Variants in NASP observed in about 807,000 individuals in gnomAD.
NASP encodes the protein nuclear autoantigenic sperm protein, also known as NASP histone chaperone.
Under a neutral mutation model 89.5 loss-of-function variants are expected in NASP, and 24 were observed. The ratio of observed to expected loss-of-function variants is 0.27; its 90% CI spans 0.19 to 0.38. The LOEUF (loss-of-function observed/expected upper bound fraction) is 0.38, where lower values mean the gene tolerates loss of function less well. Ranked by LOEUF, NASP falls within the 10% of genes least tolerant of loss-of-function variation. NASP has a pLI of 1.00. For synonymous variants in NASP, 306 were observed against 324.7 expected (o/e 0.94, Z 0.62); for missense variants, 848 against 921.4 (o/e 0.92, Z 1.03).
Position 45,584,795 on chromosome 1 carries a change from C to T in NASP, c.59+590C>T, listed in dbSNP as rs371542921. On this transcript the variant is annotated intron_variant, in intron 1 of 14. Coordinates refer to ENST00000350030, the MANE Select transcript of NASP (RefSeq NM_002482.4). ...GCGGGAAAACTCCATTGTTTGGGGC[C>T]GCTGCGGCTCCAGCAGGAGCTTTGG... Among the ~76,000 whole-genome samples, 726 of 152,286 alleles carry T rather than the reference C, an allele frequency of 4.8e-3. 8 individuals are homozygous for T. Among genetic ancestry groups the T allele is most frequent in the African/African-American group, 0.016 (668 of 41,562 alleles).
chr1:45,601,809 G>T (rs1340553115), intron 2 of NASP, among the ~76,000 whole-genome samples: 1 of 126,760 alleles, frequency 7.9e-6, no homozygotes, highest in African/African-American at 2.9e-5. Context: ...AGGCTGGAGT[G>T]CAGTGGCGCA....
In NASP at chr1:45,616,411, T is replaced by C; in HGVS notation, c.2079+18T>C. 1 of 1,613,178 alleles carries C rather than the reference T, an allele frequency of 6.2e-7. No homozygotes were observed. Among genetic ancestry groups the C allele is most frequent in the African/African-American group, 1.3e-5 (1 of 75,014 alleles). On this transcript the variant is annotated intron_variant, in intron 12 of 14. Transcript: ENST00000350030. ...TCTCCATGGTGCGTATTCAGGTGGT[T>C]TTTTGGTCACTTACATTAAGTCTCA...
intron 1 of NASP, among the ~76,000 whole-genome samples, chr1:45,589,297 T>G (rs1307080929): frequency 6.6e-6 from 1 of 152,082 alleles, no homozygotes; most frequent in Non-Finnish European, 1.5e-5. Flanking sequence ...CCATCTCATT[T>G]TATTTTTGGT....
chr1:45,609,532 A>T (rs1643966807), intron 6 of NASP: 1 of 152,220 alleles, frequency 6.6e-6, no homozygotes. Flanking sequence ...ACACAAAAAA[A>T]CAAAACTCCC....
chr1:45,586,293 GTGTGTGT>G (rs1644546432), intron 1 of NASP, among the ~76,000 whole-genome samples: 1 of 97,444 alleles, frequency 1.0e-5, no homozygotes, highest in Non-Finnish European at 2.1e-5. Context: ...TGGTGTGTGT[GTGTGTGT>G]GTGTGTGTGG....
chr1:45,591,886 T>C (rs1241291943), intron 2 of NASP, among the ~76,000 whole-genome samples: 2 of 152,194 alleles, frequency 1.3e-5, no homozygotes, highest in African/African-American at 4.8e-5. Context: ...AGTGATGTTA[T>C]CATAGCTCAC....
At chr1:45,584,280 G>A in intron 1 of NASP, 75 bp downstream of exon 1, 2 of 1,392,902 alleles carry the variant, frequency 1.4e-6, no homozygotes, top group Non-Finnish European at 2.0e-6. Flanking sequence ...CTCCGGAGAA[G>A]GGGCAGACCG....
At chr1:45,600,554 G>A in intron 2 of NASP, 1 of 748,324 alleles carries the variant, frequency 1.3e-6, no homozygotes, top group South Asian at 4.3e-5. Flanking sequence ...CATTCTTTTT[G>A]TTAGTGAATG....
At chr1:45,587,981 G>C (rs1644582041) in intron 1 of NASP, among the ~76,000 whole-genome samples, 1 of 151,338 alleles carries the variant, frequency 6.6e-6, no homozygotes, top group Non-Finnish European at 1.5e-5. Flanking sequence ...TGGCTCACGT[G>C]GTAATCCCAA....
chr1:45,587,671 T>TAG (rs1553169256), intron 1 of NASP, among the ~76,000 whole-genome samples: 9 of 68,892 alleles, frequency 1.3e-4, no homozygotes, highest in Non-Finnish European at 1.1e-4. Context: ...CATATATATA[T>TAG]ATATATATAT....
chr1:45,603,851 C>A (rs1050281054), intron 3 of NASP, among the ~76,000 whole-genome samples: 6 of 152,180 alleles, frequency 3.9e-5, no homozygotes, highest in African/African-American at 1.4e-4. Context: ...TCAGGTGATT[C>A]ACCTACCTCG....
chr1:45,584,327 C>G (rs971495431), intron 1 of NASP, 122 bp downstream of exon 1: 17 of 808,674 alleles, frequency 2.1e-5, no homozygotes, highest in Non-Finnish European at 3.0e-5. Context: ...GAGCAGCTGT[C>G]GCTGTTCGGG....
rs1036511604 is a variant in NASP at position 45,590,549 on chromosome 1, C to CAA, written c.60-657_60-656dup. Among the ~76,000 whole-genome samples the CAA allele has an allele frequency of 6.3e-4, 37 of 58,936 alleles. 1 individual carries two copies. In the South Asian group the frequency reaches 9.1e-3, roughly 14 times the overall value. 38.7% of individuals were successfully genotyped at this position (58,936 alleles called of 152,430 possible). On this transcript the variant is annotated intron_variant, in intron 1 of 14. Coordinates refer to ENST00000350030, the MANE Select transcript of NASP (RefSeq NM_002482.4). ...TGGGCGACAGAGCAAGACTCTGTCT[C>CAA]AAAAAAAAAAAAAAAAAAGAAAAGA...
chr1:45,610,910 A>T (rs1344686013), intron 6 of NASP: 1 of 152,142 alleles, frequency 6.6e-6, no homozygotes, highest in Non-Finnish European at 1.5e-5. Flanking sequence ...TAGAGATGGG[A>T]TTTCACCATG....
chr1:45,612,818 A>C (rs776425831), intron 6 of NASP: 5 of 173,590 alleles, frequency 2.9e-5, no homozygotes, highest in Non-Finnish European at 6.0e-5. Flanking sequence ...ACACTGACTG[A>C]GGTCTCCACC....
intron 2 of NASP, among the ~76,000 whole-genome samples, chr1:45,591,840 A>G (rs1318629028): frequency 1.3e-5 from 2 of 152,110 alleles, no homozygotes; most frequent in African/African-American, 4.8e-5. Context: ...CATTTTTTAG[A>G]GACAGGGTCT....
Position 45,607,454 on chromosome 1 carries a change from T to C in NASP, c.543T>C (p.Gly181=), listed in dbSNP as rs1313603654. 3.1e-6 allele frequency: 5 copies of C among 1,613,170 alleles called. No homozygotes were observed. The South Asian group carries it at 5.5e-5, about 18-fold the overall frequency. The part of the protein sequence containing the change: ...DKEQDSEMEK[G]GREDMDISKS... ...AACAGGACAGTGAAATGGAGAAGGGTGGAAGAGAAGATATGGATATAAGTA... is the reference window on the plus strand; with the variant it reads ...AACAGGACAGTGAAATGGAGAAGGGCGGAAGAGAAGATATGGATATAAGTA... Residue 181 remains glycine (G), a synonymous_variant, in exon 6 of 15, where the codon GGT becomes GGC. Coordinates refer to ENST00000350030, the MANE Select transcript of NASP (RefSeq NM_002482.4).
chr1:45,590,092 G>A (rs1262301531), intron 1 of NASP, among the ~76,000 whole-genome samples: 1 of 152,122 alleles, frequency 6.6e-6, no homozygotes, highest in Admixed American at 6.6e-5. Context: ...ACTGTAGGGG[G>A]TGGAGCTCAA....
At chr1:45,593,422 A>G (rs1488289666) in intron 2 of NASP, among the ~76,000 whole-genome samples, 2 of 150,394 alleles carry the variant, frequency 1.3e-5, no homozygotes, top group African/African-American at 4.9e-5. Flanking sequence ...AATCCCAGCT[A>G]CTCGGGAGGC....
Sources: gnomAD v4.1 joint callset for allele counts (sites outside exome capture counted in the v4.1 genomes callset) on GRCh38, gnomAD v4.1.1 for gene constraint, MANE v1.5 for transcripts, NCBI Gene and HGNC (gene_info 2026-07-23, HGNC 2026-07-21) for gene names.